The following CHST3 variants were observed in gnomAD, a reference collection of about 807,000 sequenced individuals.
The protein encoded by CHST3 is carbohydrate sulfotransferase 3.
Under a neutral mutation model 35.4 loss-of-function variants are expected in CHST3, and 20 were observed. The ratio of observed to expected loss-of-function variants is 0.57; its 90% CI spans 0.40 to 0.82. The LOEUF (loss-of-function observed/expected upper bound fraction) is 0.82. CHST3 is among the 40% of genes least tolerant of loss of function. CHST3 has a pLI of 0.00. For synonymous variants in CHST3, 334 were observed against 295.9 expected (o/e 1.13, Z -1.32); for missense variants, 693 against 670.1 (o/e 1.03, Z -0.38).
chr10:71,969,011 A>G (rs960599876), intron 1 of CHST3, among the ~76,000 whole-genome samples: 2 of 134,366 alleles, frequency 1.5e-5, no homozygotes, highest in Non-Finnish European at 3.4e-5. Context: ...ACCTGGGGAA[A>G]TCAGCCTTCA....
chr10:71,971,219 G>C (rs1839691715), intron 1 of CHST3, among the ~76,000 whole-genome samples: 2 of 152,164 alleles, frequency 1.3e-5, no homozygotes, highest in African/African-American at 4.8e-5. Flanking sequence ...TGAAGCCTCT[G>C]GGATTTGGGG....
At chr10:71,997,880 C>A (rs1467233431) in intron 1 of CHST3, among the ~76,000 whole-genome samples, 3 of 152,076 alleles carry the variant, frequency 2.0e-5, no homozygotes, top group Admixed American at 2.0e-4. Flanking sequence ...GTTGGCCAGG[C>A]TGGTCTTGAA....
At chr10:71,981,008 C>T (rs926223549) in intron 1 of CHST3, among the ~76,000 whole-genome samples, 2 of 152,202 alleles carry the variant, frequency 1.3e-5, no homozygotes, top group Admixed American at 1.3e-4. Flanking sequence ...GAACATAAAA[C>T]CCTCCCAGCC....
chr10:71,972,678 A>C (rs1839707040), intron 1 of CHST3, among the ~76,000 whole-genome samples: 1 of 152,126 alleles, frequency 6.6e-6, no homozygotes, highest in Non-Finnish European at 1.5e-5. Context: ...TGGCCCTGTG[A>C]CCTTTCAGCA....
At position 72,007,871 on chromosome 10, in the gene CHST3, G is replaced by A. The variant is rs1341046385; in HGVS notation, c.840G>A (p.Leu280=). The A allele has an allele frequency of 1.4e-5, 22 of 1,598,382 alleles. No homozygotes were observed. The highest frequency in any genetic ancestry group is 1.8e-5 in the Non-Finnish European group (21 of 1,174,308). ...TCAAGGCGGTGCGCATCCGGCAGCT[G>A]GAGTTCCTGCAGCCGCTGGCCGAGG... is the stretch of plus-strand genomic sequence containing the variant. ...MALKAVRIRQ[L]EFLQPLAEDP... is the part of the protein sequence containing the mutation. Residue 280 remains leucine (L), a synonymous_variant, in exon 3 of 3, where the codon CTG becomes CTA. Coordinates refer to ENST00000373115, the MANE Select transcript of CHST3 (RefSeq NM_004273.5).
At chr10:71,976,949 T>C (rs955030741) in intron 1 of CHST3, among the ~76,000 whole-genome samples, 4 of 152,230 alleles carry the variant, frequency 2.6e-5, no homozygotes, top group African/African-American at 9.6e-5. Context: ...CTCTTTCCCA[T>C]GCCGGACTCA....
At chr10:72,003,598 G>A (rs1564530965) in intron 1 of CHST3, among the ~76,000 whole-genome samples, 1 of 151,992 alleles carries the variant, frequency 6.6e-6, no homozygotes, top group African/African-American at 2.4e-5. Flanking sequence ...CTACTCAGGA[G>A]GCTGAGGCAC....
chr10:71,996,697 A>C (rs1379340070), intron 1 of CHST3, among the ~76,000 whole-genome samples: 1 of 152,080 alleles, frequency 6.6e-6, no homozygotes, highest in South Asian at 2.1e-4. Flanking sequence ...ACAGGAAACA[A>C]CAGCTAACTC....
Position 72,007,990 on chromosome 10 carries a change from C to G in CHST3, c.959C>G (p.Thr320Ser), listed in dbSNP as rs535309495. 211 of 1,549,568 alleles carry G rather than the reference C, an allele frequency of 1.4e-4. No individual in the cohort carries two copies. The African/African-American group carries it at 2.5e-3, about 18-fold the overall frequency. Reference protein sequence around the residue: ...RMVAFAGKYKTWKKWLDDEGQ... With the variant: ...RMVAFAGKYKSWKKWLDDEGQ... ...GTGGCCTTCGCCGGCAAGTATAAGA[C>G]CTGGAAGAAGTGGCTGGACGACGAG... The change falls in exon 3 of 3, where the codon ACC becomes AGC. Residue 320 changes from threonine (T) to serine (S), a missense_variant. Coordinates refer to ENST00000373115, the MANE Select transcript of CHST3 (RefSeq NM_004273.5).
chr10:71,996,912 T>A (rs1310389119), intron 1 of CHST3, among the ~76,000 whole-genome samples: 2 of 151,930 alleles, frequency 1.3e-5, no homozygotes, highest in Non-Finnish European at 1.5e-5. Flanking sequence ...GTTTGTTTTG[T>A]TTTTTGTTTT....
chr10:71,969,892 A>C (rs7894516), intron 1 of CHST3, among the ~76,000 whole-genome samples: 46,783 of 152,138 alleles, frequency 0.31, 8,524 homozygotes, highest in South Asian at 0.47. Context: ...ACACTCAGAG[A>C]GTCTCTGGCT....
chr10:71,985,259 A>G (rs1839837338), intron 1 of CHST3, among the ~76,000 whole-genome samples: 1 of 152,206 alleles, frequency 6.6e-6, no homozygotes, highest in Non-Finnish European at 1.5e-5. Context: ...CAAGCCTTGC[A>G]TGGTCTCATG....
chr10:71,981,372 C>T (rs1158195676), intron 1 of CHST3, among the ~76,000 whole-genome samples: 5 of 152,232 alleles, frequency 3.3e-5, no homozygotes, highest in Admixed American at 3.3e-4. Context: ...ATGGGCCCCT[C>T]CCCAGCCTCG....
At chr10:72,005,649 C>T in intron 1 of CHST3, 87 bp from the exon 2 acceptor site, 1 of 671,364 alleles carries the variant, frequency 1.5e-6, no homozygotes. Context: ...CTAACCAGGG[C>T]CGAGATCCTC....
intron 1 of CHST3, among the ~76,000 whole-genome samples, chr10:71,979,270 T>C (rs1839777267): frequency 6.6e-6 from 1 of 152,082 alleles, no homozygotes. Context: ...CTCATCTGGA[T>C]AATGAAGGAG....
At chr10:71,967,441 C>T (rs958061870) in intron 1 of CHST3, among the ~76,000 whole-genome samples, 19 of 152,178 alleles carry the variant, frequency 1.2e-4, no homozygotes, top group African/African-American at 3.9e-4. Context: ...TTTTCTGTTC[C>T]TGTGTTAGTT....
intron 1 of CHST3, among the ~76,000 whole-genome samples, chr10:71,981,595 G>A (rs1839802149): frequency 6.6e-6 from 1 of 152,226 alleles, no homozygotes; most frequent in African/African-American, 2.4e-5. Flanking sequence ...AGAGGCCTGA[G>A]CCTCTGTCTG....
intron 1 of CHST3, among the ~76,000 whole-genome samples, chr10:71,980,135 C>G (rs1284923562): frequency 6.6e-6 from 1 of 152,236 alleles, no homozygotes; most frequent in Non-Finnish European, 1.5e-5. Flanking sequence ...TGAGCATATT[C>G]CAGCTCTAGA....
At chr10:71,987,935 G>A (rs1475380238) in intron 1 of CHST3, among the ~76,000 whole-genome samples, 3 of 152,146 alleles carry the variant, frequency 2.0e-5, no homozygotes, top group African/African-American at 7.2e-5. Context: ...ATCCTGTAAT[G>A]GAGCCGTCTT....
Sources: gnomAD v4.1 joint callset for allele counts (sites outside exome capture counted in the v4.1 genomes callset) on GRCh38, gnomAD v4.1.1 for gene constraint, MANE v1.5 for transcripts, NCBI Gene and HGNC (gene_info 2026-07-23, HGNC 2026-07-21) for gene names.